Variants in UVRAG observed in about 807,000 individuals in gnomAD.
UVRAG encodes UV radiation resistance-associated gene protein.
A neutral mutation model predicts 78.0 loss-of-function variants in UVRAG; 19 were observed. The observed-to-expected ratio is 0.24, with a 90% CI of 0.17 to 0.36. The LOEUF is 0.36. Among genes scored for constraint, UVRAG ranks in the 10% least tolerant of loss-of-function variants. The probability of loss-of-function intolerance (pLI) is 1.00; values close to 1 mark genes in which losing one functional copy is unlikely to be tolerated. For missense variants in UVRAG, 740 were observed against 853.8 expected (o/e 0.87, Z 1.66); for synonymous variants, 323 against 324.6 (o/e 1.00, Z 0.05).
rs773034018 is a variant in UVRAG at position 75,880,928 on chromosome 11, C to CTTTT, written c.432+912_432+915dup. Among the ~76,000 whole-genome samples the CTTTT allele has an allele frequency of 8.0e-4, 70 of 87,702 alleles. 6 individuals carry two copies. Among genetic ancestry groups the CTTTT allele is most frequent in the African/African-American group, 2.5e-3 (59 of 23,394 alleles). The allele number at this position is 87,702 out of a possible 152,430, so 57.5% of individuals were successfully genotyped here. A position where few individuals can be genotyped will look rare whatever the true frequency, so the allele number is the denominator to read the frequency against. The stretch of plus-strand genomic sequence containing the variant: ...CTTTCTTCCTTTCTTTTATTTACTT[C>CTTTT]TTTTTTTTTTTTTTTTTTTTTTTTT... On this transcript the variant is annotated intron_variant, in intron 4 of 14. Transcript: ENST00000356136.
intron 5 of UVRAG, among the ~76,000 whole-genome samples, chr11:75,892,110 C>T (rs1284080656): frequency 2.0e-5 from 3 of 152,140 alleles, no homozygotes; most frequent in Admixed American, 2.0e-4. Context: ...CAAGTGAAAC[C>T]AAGGTCTTCC....
intron 14 of UVRAG, among the ~76,000 whole-genome samples, chr11:76,129,590 G>A (rs533601371): frequency 9.4e-4 from 143 of 152,260 alleles, no homozygotes; most frequent in Non-Finnish European, 1.6e-3. Context: ...TGCTTTCTGC[G>A]AATGAAACCA....
intron 5 of UVRAG, among the ~76,000 whole-genome samples, chr11:75,906,809 T>G (rs1177233865): frequency 6.6e-6 from 1 of 152,230 alleles, no homozygotes; most frequent in Non-Finnish European, 1.5e-5. Context: ...TCTATGAACC[T>G]TTGCTGAAAA....
intron 12 of UVRAG, among the ~76,000 whole-genome samples, chr11:76,025,525 T>C (rs1950312014): frequency 6.6e-6 from 1 of 152,170 alleles, no homozygotes; most frequent in African/African-American, 2.4e-5. Flanking sequence ...AACAATACTT[T>C]TATAAATCTC....
chr11:76,029,530 T>C (rs1950395412), intron 12 of UVRAG, among the ~76,000 whole-genome samples: 1 of 152,158 alleles, frequency 6.6e-6, no homozygotes, highest in Admixed American at 6.5e-5. Context: ...AACAGAAGTT[T>C]GGAAGAAGTT....
At chr11:75,846,810 T>C (rs1164915718) in intron 1 of UVRAG, among the ~76,000 whole-genome samples, 1 of 152,110 alleles carries the variant, frequency 6.6e-6, no homozygotes, top group East Asian at 1.9e-4. Context: ...TAATGTCAGT[T>C]CTCTGACTTT....
In UVRAG at chr11:76,142,603, T is replaced by A. The variant is rs988576665; in HGVS notation, c.*1190T>A. ...TGCAAACTCTTTAAAGGAAAATTTA[T>A]CCATATATCCATGTATTATATAGAA... On this transcript the variant is annotated 3_prime_UTR_variant, in exon 15 of 15. Transcript: ENST00000356136. 6.6e-6 allele frequency: 1 copy of A among 152,592 alleles called. No homozygotes were observed. The highest frequency in any genetic ancestry group is 6.5e-5 in the Admixed American group (1 of 15,278). 9.5% of individuals were successfully genotyped at this position (152,592 alleles called of 1,614,324 possible). A position where few individuals can be genotyped will look rare whatever the true frequency, so the allele number is the denominator to read the frequency against.
At chr11:76,126,074 C>T (rs1014058542) in intron 14 of UVRAG, among the ~76,000 whole-genome samples, 10 of 151,798 alleles carry the variant, frequency 6.6e-5, no homozygotes, top group South Asian at 4.1e-4. Flanking sequence ...CTCAGCCTCC[C>T]GGGCAGCTGG....
chr11:76,141,080 C>A lies in UVRAG; in HGVS notation c.1767C>A (p.Leu589=), dbSNP rs1426408373. The A allele has an allele frequency of 1.2e-6, 2 of 1,614,102 alleles. No individual in the cohort carries two copies. Among genetic ancestry groups the A allele is most frequent in the African/African-American group, 2.7e-5 (2 of 74,950 alleles). ...CTAGCCAAGAACAAGGAGAAGCCCT[C>A]TCCGGGCACCGGGCCACAGTCAATG... The part of the protein sequence containing the change: ...VHPSQEQGEA[L]SGHRATVNGT... Residue 589 remains leucine (L), a synonymous_variant, in exon 15 of 15, where the codon CTC becomes CTA. Transcript: ENST00000356136.
chr11:75,985,034 A>G (rs1269334466), intron 8 of UVRAG, among the ~76,000 whole-genome samples: 2 of 152,124 alleles, frequency 1.3e-5, no homozygotes, highest in Non-Finnish European at 2.9e-5. Flanking sequence ...CAGTCAAGAG[A>G]ATGTACGTAT....
intron 12 of UVRAG, among the ~76,000 whole-genome samples, chr11:76,027,301 C>G (rs1950345975): frequency 6.6e-6 from 1 of 152,098 alleles, no homozygotes; most frequent in African/African-American, 2.4e-5. Context: ...GTAAAGAATG[C>G]AGAAATGTGA....
At position 76,054,287 on chromosome 11, in the gene UVRAG, A is replaced by G. The variant is rs550182543; in HGVS notation, c.1227-11423A>G. On this transcript the variant is annotated intron_variant, in intron 12 of 14. Transcript: ENST00000356136. Reference sequence around the variant, plus strand: ...CCAGATCATGTTGGCTCTGTCTTCAAAATGAGAGAATCCAACCACTTCTCA... The same window carrying G: ...CCAGATCATGTTGGCTCTGTCTTCAGAATGAGAGAATCCAACCACTTCTCA... Among the ~76,000 whole-genome samples the G allele has an allele frequency of 7.2e-5, 11 of 152,284 alleles. No homozygotes were observed. In the East Asian group the frequency reaches 1.5e-3, roughly 21 times the overall value.
chr11:76,078,752 CAAAAAA>C (rs61700855), intron 13 of UVRAG, among the ~76,000 whole-genome samples: 106 of 37,196 alleles, frequency 2.8e-3, no homozygotes, highest in Middle Eastern at 0.029. Flanking sequence ...ACTAAAAATA[CAAAAAA>C]AAAAAAAAAA....
At chr11:76,129,992 C>T (rs934964299) in intron 14 of UVRAG, among the ~76,000 whole-genome samples, 1 of 152,078 alleles carries the variant, frequency 6.6e-6, no homozygotes, top group Non-Finnish European at 1.5e-5. Context: ...CTAAACATGG[C>T]TTGTGGCTTC....
intron 9 of UVRAG, among the ~76,000 whole-genome samples, chr11:76,005,355 G>T (rs1038766866): frequency 6.6e-6 from 1 of 151,812 alleles, no homozygotes; most frequent in Admixed American, 6.6e-5. Context: ...AAAAAAAAAA[G>T]TGCTAGACCT....
Position 75,861,769 on chromosome 11 carries a change from A to C in UVRAG, c.259A>C (p.Lys87Gln), listed in dbSNP as rs1167838548. 6.2e-7 allele frequency: 1 copy of C among 1,607,064 alleles called. No homozygotes were observed. Among genetic ancestry groups the C allele is most frequent in the Non-Finnish European group, 8.5e-7 (1 of 1,174,646 alleles). The change falls in exon 3 of 15, where the codon AAG (lysine) becomes CAG (glutamine). Residue 87 changes from lysine (K) to glutamine (Q), a missense_variant. Coordinates refer to ENST00000356136, the MANE Select transcript of UVRAG (RefSeq NM_003369.4). Reference protein sequence around the residue: ...YKEFYRSEVIKNSLNPTWRSL... With the variant: ...YKEFYRSEVIQNSLNPTWRSL... ...AGAATTTTATAGAAGTGAAGTGATT[A>C]AGAATTCCTTGGTAAGTTTGCTTTC... is the stretch of plus-strand genomic sequence containing the variant.
chr11:75,965,335 G>A (rs572806741), intron 7 of UVRAG, among the ~76,000 whole-genome samples: 4 of 149,278 alleles, frequency 2.7e-5, no homozygotes, highest in East Asian at 1.9e-4. Flanking sequence ...ATTTTGAGAC[G>A]GAGTCTCGCT....
intron 6 of UVRAG, among the ~76,000 whole-genome samples, chr11:75,924,614 T>G (rs1948052750): frequency 6.6e-6 from 1 of 152,082 alleles, no homozygotes; most frequent in Admixed American, 6.6e-5. Context: ...GGTCTTGATC[T>G]CCTGACCTCG....
intron 11 of UVRAG, among the ~76,000 whole-genome samples, chr11:76,012,467 C>A (rs1950067742): frequency 6.6e-6 from 1 of 152,216 alleles, no homozygotes; most frequent in Non-Finnish European, 1.5e-5. Context: ...CAGTTTTCTT[C>A]CTCGCTTTGA....
Sources: allele counts gnomAD v4.1 joint callset (sites outside exome capture counted in the v4.1 genomes callset), GRCh38; gene constraint gnomAD v4.1.1; transcripts MANE v1.5; gene names NCBI Gene and HGNC (gene_info 2026-07-23, HGNC 2026-07-21).